The following RCAN2 variants were observed in gnomAD, a reference collection of about 807,000 sequenced individuals.
The protein encoded by RCAN2 is regulator of calcineurin 2.
Under a neutral mutation model 23.6 loss-of-function variants are expected in RCAN2, and 9 were observed. The ratio of observed to expected loss-of-function variants is 0.38; its 90% CI spans 0.23 to 0.67. The LOEUF is 0.67. RCAN2 is among the 30% of genes least tolerant of loss of function. The pLI is 0.51. For synonymous variants in RCAN2, 109 were observed against 115.7 expected (o/e 0.94, Z 0.37); for missense variants, 273 against 302.3 (o/e 0.90, Z 0.72).
chr6:46,227,253 T>C (rs547379969), intron 4 of RCAN2, among the ~76,000 whole-genome samples: 1 of 152,312 alleles, frequency 6.6e-6, no homozygotes, highest in East Asian at 1.9e-4. Flanking sequence ...ATTCTCTTTT[T>C]TCGTTGTGTC....
At chr6:46,407,311 C>T (rs559021230) in intron 2 of RCAN2, among the ~76,000 whole-genome samples, 2 of 152,336 alleles carry the variant, frequency 1.3e-5, no homozygotes, top group Admixed American at 1.3e-4. Flanking sequence ...GTATATACTG[C>T]TGTTTTTAAA....
chr6:46,428,916 T>TAA (rs1767111466), intron 2 of RCAN2, among the ~76,000 whole-genome samples: 3 of 152,230 alleles, frequency 2.0e-5, no homozygotes, highest in Admixed American at 2.0e-4. Flanking sequence ...CCTTGTTATA[T>TAA]TTTTACTTTT....
At chr6:46,430,169 A>C (rs1024928138) in intron 2 of RCAN2, among the ~76,000 whole-genome samples, 2 of 152,246 alleles carry the variant, frequency 1.3e-5, no homozygotes, top group Non-Finnish European at 2.9e-5. Flanking sequence ...GACCAGTCGC[A>C]GACCAAGACA....
intron 2 of RCAN2, among the ~76,000 whole-genome samples, chr6:46,263,539 A>ATG (rs59953064): frequency 0.19 from 15,822 of 82,280 alleles, 1,168 homozygotes; most frequent in Admixed American, 0.29. Flanking sequence ...GTGTGTGTGT[A>ATG]TGTGTGTGTG....
intron 2 of RCAN2, among the ~76,000 whole-genome samples, chr6:46,272,948 C>G (rs1767566884): frequency 6.6e-6 from 1 of 152,178 alleles, no homozygotes; most frequent in African/African-American, 2.4e-5. Context: ...CTAAGCCCCT[C>G]TAAGCGTCTT....
chr6:46,353,676 T>C (rs1233931646), intron 2 of RCAN2, among the ~76,000 whole-genome samples: 1 of 152,152 alleles, frequency 6.6e-6, no homozygotes, highest in Non-Finnish European at 1.5e-5. Flanking sequence ...ACTGCTTCAC[T>C]GATTAATACC....
In RCAN2 at chr6:46,338,951, G is replaced by GTTGCGT. The variant is rs1333092016; in HGVS notation, c.226-90056_226-90055insACGCAA. Among the ~76,000 whole-genome samples the GTTGCGT allele has an allele frequency of 5.7e-5, 8 of 141,440 alleles. No individual in the cohort carries two copies. The South Asian group carries it at 1.2e-3, about 20-fold the overall frequency. 92.8% of individuals were successfully genotyped at this position (141,440 alleles called of 152,430 possible). ...AATTGCTTGAACCCAGGAGGTGGAG[G>GTTGCGT]TTGCAGTGAGCCAAGCTCATGCCAC... On this transcript the variant is annotated intron_variant, in intron 2 of 4. Coordinates refer to ENST00000371374, the MANE Select transcript of RCAN2 (RefSeq NM_001251974.2).
chr6:46,349,378 G>A lies in RCAN2; in HGVS notation c.226-100482C>T, dbSNP rs1764579722. 2.0e-5 allele frequency among the ~76,000 whole-genome samples: 3 copies of A among 152,076 alleles called. No homozygotes were observed. The South Asian group carries it at 6.2e-4, about 32-fold the overall frequency. On this transcript the variant is annotated intron_variant, in intron 2 of 4. Transcript: ENST00000371374. ...CAATGAGAACACATGGACACAGAGA[G>A]GGGAACAACACACACAATGGCCTGT...
chr6:46,416,382 C>T lies in RCAN2; in HGVS notation c.225+40370G>A, dbSNP rs879218357. On this transcript the variant is annotated intron_variant, in intron 2 of 4. Coordinates refer to ENST00000371374, the MANE Select transcript of RCAN2 (RefSeq NM_001251974.2). ...AAAGTGGAAGGATCTAGTATGGTAC[C>T]TTCTTCCTCAATAAGTTTAACATCC... Among the ~76,000 whole-genome samples the T allele has an allele frequency of 2.0e-5, 3 of 146,908 alleles. No individual in the cohort carries two copies. In the South Asian group the frequency reaches 6.9e-4, roughly 34 times the overall value.
At chr6:46,244,264 C>T (rs1032961702) in intron 4 of RCAN2, among the ~76,000 whole-genome samples, 2 of 152,168 alleles carry the variant, frequency 1.3e-5, no homozygotes, top group Admixed American at 6.5e-5. Context: ...CATCCCCCAT[C>T]GCCAACTGCT....
intron 2 of RCAN2, among the ~76,000 whole-genome samples, chr6:46,455,338 A>T (rs1046679745): frequency 1.3e-5 from 2 of 152,212 alleles, no homozygotes; most frequent in African/African-American, 4.8e-5. Flanking sequence ...ATATCATTAT[A>T]AAAATATCTT....
chr6:46,371,188 C>G (rs779877235), intron 2 of RCAN2, among the ~76,000 whole-genome samples: 21 of 152,114 alleles, frequency 1.4e-4, no homozygotes, highest in Non-Finnish European at 2.8e-4. Context: ...TTGAGACCAG[C>G]CTTTCCCCCC....
intron 2 of RCAN2, among the ~76,000 whole-genome samples, chr6:46,308,304 G>A (rs2150355113): frequency 6.6e-6 from 1 of 152,278 alleles, no homozygotes; most frequent in East Asian, 1.9e-4. Flanking sequence ...ATGTATGTTA[G>A]ACATTATTAT....
At chr6:46,228,793 T>G (rs1333798952) in intron 4 of RCAN2, among the ~76,000 whole-genome samples, 2 of 152,230 alleles carry the variant, frequency 1.3e-5, no homozygotes, top group African/African-American at 4.8e-5. Context: ...TTGTTATGTG[T>G]GAATTTGATC....
At chr6:46,453,495 C>T (rs1013919784) in intron 2 of RCAN2, among the ~76,000 whole-genome samples, 3 of 152,190 alleles carry the variant, frequency 2.0e-5, no homozygotes, top group Non-Finnish European at 2.9e-5. Flanking sequence ...CAACACAAAG[C>T]TGTTTTTTAA....
At chr6:46,261,771 G>A (rs1463348769) in intron 2 of RCAN2, among the ~76,000 whole-genome samples, 1 of 152,092 alleles carries the variant, frequency 6.6e-6, no homozygotes, top group African/African-American at 2.4e-5. Flanking sequence ...TGAAAATGTA[G>A]AGCCCAAATT....
chr6:46,409,956 A>G (rs1471057706), intron 2 of RCAN2, among the ~76,000 whole-genome samples: 3 of 152,152 alleles, frequency 2.0e-5, no homozygotes, highest in Non-Finnish European at 4.4e-5. Flanking sequence ...GGCAGGTACT[A>G]TCCAATCAGC....
rs191073647 is a variant in RCAN2 at position 46,300,033 on chromosome 6, C to A, written c.226-51137G>T. ...AGTATGTATATTGTAAACTCCAGGG[C>A]AACTGATAAAAAAATTTTAAAGCAA... On this transcript the variant is annotated intron_variant, in intron 2 of 4. Transcript: ENST00000371374. 3.8e-3 allele frequency among the ~76,000 whole-genome samples: 572 copies of A among 150,942 alleles called. 1 individual carries two copies. The highest frequency in any genetic ancestry group is 5.9e-3 in the South Asian group (28 of 4,752).
At chr6:46,364,056 A>T (rs1176012238) in intron 2 of RCAN2, among the ~76,000 whole-genome samples, 5 of 152,232 alleles carry the variant, frequency 3.3e-5, no homozygotes, top group Non-Finnish European at 5.9e-5. Context: ...TAGAGACCCT[A>T]TCTGTTTCTA....
Sources: gnomAD v4.1 joint callset for allele counts (sites outside exome capture counted in the v4.1 genomes callset) on GRCh38, gnomAD v4.1.1 for gene constraint, MANE v1.5 for transcripts, NCBI Gene and HGNC (gene_info 2026-07-23, HGNC 2026-07-21) for gene names.